CCDC148: variants seen among roughly 807,000 people sequenced by gnomAD.
CCDC148 encodes coiled-coil domain-containing protein 148.
CCDC148 carries 89 observed loss-of-function variants against 85.7 expected under a neutral mutation model. The ratio of observed to expected loss-of-function variants is 1.04; its 90% CI spans 0.87 to 1.24. The LOEUF is 1.24. Ranked by LOEUF, CCDC148 falls within the 50% of genes most tolerant of loss-of-function variation. The probability of loss-of-function intolerance (pLI) is 0.00; values close to 1 mark genes in which losing one functional copy is unlikely to be tolerated. For missense variants in CCDC148, 692 were observed against 671.7 expected, an observed-to-expected ratio of 1.03 and a Z score of -0.33; for synonymous variants, 230 against 213.9, an observed-to-expected ratio of 1.08 and a Z score of -0.66.
intron 9 of CCDC148, among the ~76,000 whole-genome samples, chr2:158,297,181 C>T (rs572093288): frequency 2.0e-5 from 3 of 152,324 alleles, no homozygotes; most frequent in African/African-American, 7.2e-5. Context: ...GTAAACTGGA[C>T]ACCCAAGTTC....
At chr2:158,221,912 A>C (rs1352748312) in intron 10 of CCDC148, among the ~76,000 whole-genome samples, 2 of 152,154 alleles carry the variant, frequency 1.3e-5, no homozygotes, top group African/African-American at 4.8e-5. Context: ...GGGTGGGTGC[A>C]GGAGAGGAAA....
Position 158,328,545 on chromosome 2 carries a change from G to A in CCDC148, c.764+10181C>T, listed in dbSNP as rs369525318. 4.3e-4 allele frequency among the ~76,000 whole-genome samples: 66 copies of A among 152,070 alleles called. No individual in the cohort carries two copies. In the East Asian group the frequency reaches 8.3e-3, roughly 19 times the overall value. The stretch of plus-strand genomic sequence containing the variant: ...TATATACCCAGTAATGGGATGGCTG[G>A]GTCAAATGGTATTTCTAGTTCTAGA... On this transcript the variant is annotated intron_variant, in intron 7 of 13. Transcript: ENST00000283233.
At chr2:158,260,661 G>A (rs975582726) in intron 9 of CCDC148, among the ~76,000 whole-genome samples, 24 of 152,106 alleles carry the variant, frequency 1.6e-4, no homozygotes, top group Non-Finnish European at 3.4e-4. Flanking sequence ...AACAACTTCA[G>A]CAAAGTTTTA....
At chr2:158,199,536 C>G (rs768141945) in intron 11 of CCDC148, among the ~76,000 whole-genome samples, 1 of 152,206 alleles carries the variant, frequency 6.6e-6, no homozygotes, top group Non-Finnish European at 1.5e-5. Context: ...TGAGCCACCA[C>G]GTCCGGCCTT....
At chr2:158,214,294 T>A (rs1405423531) in intron 11 of CCDC148, among the ~76,000 whole-genome samples, 2 of 152,236 alleles carry the variant, frequency 1.3e-5, no homozygotes, top group Admixed American at 1.3e-4. Flanking sequence ...TTGAAGCCCA[T>A]CACAAGACAA....
intron 12 of CCDC148, 92 bp from the exon 13 acceptor site, chr2:158,176,753 G>A: frequency 7.0e-7 from 1 of 1,422,726 alleles, no homozygotes; most frequent in Non-Finnish European, 9.6e-7. Flanking sequence ...TTAAAGTTAA[G>A]AAATTTTATT....
chr2:158,186,972 A>T (rs1444123927), intron 11 of CCDC148, among the ~76,000 whole-genome samples: 1 of 151,884 alleles, frequency 6.6e-6, no homozygotes, highest in Admixed American at 6.6e-5. Flanking sequence ...ATCCAACTCT[A>T]ATTCTTTGTT....
chr2:158,242,882 G>C (rs926589756), intron 10 of CCDC148, among the ~76,000 whole-genome samples: 2 of 151,968 alleles, frequency 1.3e-5, no homozygotes, highest in African/African-American at 4.8e-5. Flanking sequence ...ATGTACCAGG[G>C]GATATGGAAG....
intron 1 of CCDC148, among the ~76,000 whole-genome samples, chr2:158,390,385 G>A (rs1228144966): frequency 6.6e-6 from 1 of 152,120 alleles, no homozygotes; most frequent in Non-Finnish European, 1.5e-5. Flanking sequence ...TGGGCCAAGA[G>A]TCCAAGTTTG....
chr2:158,298,321 G>A (rs1010691405), intron 9 of CCDC148, among the ~76,000 whole-genome samples: 2 of 145,616 alleles, frequency 1.4e-5, no homozygotes. Context: ...AAGTGCCTAG[G>A]TGTGGTTTTT....
At chr2:158,433,772 C>A (rs1012166294) in intron 1 of CCDC148, among the ~76,000 whole-genome samples, 1 of 152,328 alleles carries the variant, frequency 6.6e-6, no homozygotes, top group East Asian at 1.9e-4. Flanking sequence ...ACACTCACAT[C>A]CTAATACTGC....
chr2:158,336,236 C>A (rs1682372984), intron 7 of CCDC148, among the ~76,000 whole-genome samples: 1 of 152,224 alleles, frequency 6.6e-6, no homozygotes, highest in Non-Finnish European at 1.5e-5. Context: ...GAACAGTATA[C>A]TTTTATGCCT....
chr2:158,421,884 C>A (rs1686807295), intron 1 of CCDC148, among the ~76,000 whole-genome samples: 1 of 151,676 alleles, frequency 6.6e-6, no homozygotes, highest in African/African-American at 2.4e-5. Flanking sequence ...CAAATAGACG[C>A]AATAAAAAAT....
chr2:158,352,346 T>G (rs1395923955), intron 2 of CCDC148, among the ~76,000 whole-genome samples: 1 of 151,912 alleles, frequency 6.6e-6, no homozygotes, highest in Non-Finnish European at 1.5e-5. Flanking sequence ...TAGAAGAATG[T>G]ATAACTAGAA....
At chr2:158,397,799 T>C (rs1323759370) in intron 1 of CCDC148, among the ~76,000 whole-genome samples, 2 of 152,068 alleles carry the variant, frequency 1.3e-5, no homozygotes, top group Non-Finnish European at 2.9e-5. Flanking sequence ...TAAAAGTAAA[T>C]GGGCTAGGTG....
At chr2:158,315,151 T>C (rs1457023481) in intron 7 of CCDC148, among the ~76,000 whole-genome samples, 1 of 152,212 alleles carries the variant, frequency 6.6e-6, no homozygotes. Flanking sequence ...AATGAATTCA[T>C]TGAACACACC....
At chr2:158,403,713 CAT>C (rs1685886833) in intron 1 of CCDC148, among the ~76,000 whole-genome samples, 1 of 151,680 alleles carries the variant, frequency 6.6e-6, no homozygotes, top group Non-Finnish European at 1.5e-5. Flanking sequence ...CACACAAACA[CAT>C]GCAAACACGA....
At chr2:158,184,491 T>A (rs563583915) in intron 11 of CCDC148, among the ~76,000 whole-genome samples, 1 of 152,288 alleles carries the variant, frequency 6.6e-6, no homozygotes, top group East Asian at 1.9e-4. Context: ...TGGTCTGTTA[T>A]GTATAAGCAT....
At chr2:158,202,640 C>T (rs532463223) in intron 11 of CCDC148, among the ~76,000 whole-genome samples, 2 of 152,272 alleles carry the variant, frequency 1.3e-5, no homozygotes, top group South Asian at 2.1e-4. Flanking sequence ...CTGCAGCACA[C>T]GAAAGCAGCC....
Sources: allele counts gnomAD v4.1 joint callset (sites outside exome capture counted in the v4.1 genomes callset), GRCh38; gene constraint gnomAD v4.1.1; transcripts MANE v1.5; gene names NCBI Gene and HGNC (gene_info 2026-07-23, HGNC 2026-07-21).